The following TBXT variants were observed in gnomAD, a reference collection of about 807,000 sequenced individuals.
The protein encoded by TBXT is T brachyury transcription factor.
TBXT carries 19 observed loss-of-function variants against 41.1 expected under a neutral mutation model. That is an observed-to-expected ratio of 0.46 (90% CI 0.32 to 0.68). TBXT has a LOEUF of 0.68. Ranked by LOEUF, TBXT falls within the 30% of genes least tolerant of loss-of-function variation. TBXT has a pLI of 0.03. For synonymous variants in TBXT, 213 were observed against 238.9 expected (o/e 0.89, Z 1.00); for missense variants, 536 against 582.0 (o/e 0.92, Z 0.81).
At chr6:166,165,641 T>C in intron 3 of TBXT, 65 bp downstream of exon 3, 1 of 1,611,642 alleles carries the variant, frequency 6.2e-7, no homozygotes. Context: ...TCCTCCAGAA[T>C]CTCCACGGAG....
intron 1 of TBXT, 112 bp downstream of exon 1, chr6:166,167,274 C>G (rs1779147841): frequency 8.0e-7 from 1 of 1,253,950 alleles, no homozygotes; most frequent in East Asian, 2.5e-5. Flanking sequence ...GGAACAAACA[C>G]AAAGCCCTCC....
At chr6:166,166,959 G>A (rs934755861) in intron 1 of TBXT, 103 bp from the exon 2 acceptor site, 23 of 1,582,568 alleles carry the variant, frequency 1.5e-5, no homozygotes, top group Non-Finnish European at 1.7e-5. Context: ...GCACAGAGGA[G>A]CCCCCTGGGG....
In TBXT at chr6:166,158,544, G is replaced by A. The variant is rs769256401; in HGVS notation, c.1082C>T (p.Pro361Leu). 81 of 1,596,336 alleles carry A rather than the reference G, an allele frequency of 5.1e-5. No individual in the cohort carries two copies. The highest frequency in any genetic ancestry group is 6.0e-5 in the Non-Finnish European group (70 of 1,168,008). ...LWSVSNGAVT[P>L]GSQAAAVSNG... ...GGACACGGCTGCTGCCTGGGAGCCC[G>A]GGGTGACGGCGCCGTTGCTCACAGA... The change falls in exon 8 of 8, where the codon CCG becomes CTG. Residue 361 changes from proline to leucine, a missense_variant. Pro to Leu is a moderately conservative substitution (Grantham distance 98). Coordinates refer to ENST00000366876, the MANE Select transcript of TBXT (RefSeq NM_001366285.2).
At position 166,162,309 on chromosome 6, in the gene TBXT, A is replaced by G. The variant is rs1562387812; in HGVS notation, c.907+138T>C. On this transcript the variant is annotated intron_variant, in intron 6 of 7. Coordinates refer to ENST00000366876, the MANE Select transcript of TBXT (RefSeq NM_001366285.2). ...TAAATTGAAGATCTTCTCTTGAGCT[A>G]CTAAAAAACTGGGCTTGGGTATGTG... 6.9e-6 allele frequency: 6 copies of G among 870,144 alleles called. 1 individual carries two copies. The highest frequency in any genetic ancestry group is 4.5e-5 in the Admixed American group (2 of 44,504). 53.9% of individuals were successfully genotyped at this position (870,144 alleles called of 1,614,324 possible).
rs1562388930 is a variant in TBXT, at chr6:166,164,675, A to G, written c.669-9T>C. 1 of 1,613,016 alleles carries G rather than the reference A, an allele frequency of 6.2e-7. No individual in the cohort carries two copies. Among genetic ancestry groups the G allele is most frequent in the Admixed American group, 1.7e-5 (1 of 59,964 alleles). On this transcript the variant is annotated splice_polypyrimidine_tract_variant and intron_variant, in intron 4 of 7. Transcript: ENST00000366876. ...TCTCTTTGTGATCACTTCTATCAAA[A>G]TGAAAAAAAAAAAGTATATCGAATT...
intron 5 of TBXT, 110 bp downstream of exon 5, chr6:166,164,495 T>C: frequency 1.5e-6 from 2 of 1,328,882 alleles, no homozygotes; most frequent in East Asian, 2.3e-5. Flanking sequence ...CAATCTTACA[T>C]CCCAGGCACA....
At chr6:166,164,922 G>A (rs944145235) in intron 3 of TBXT, 61 bp from the exon 4 acceptor site, 4 of 1,432,834 alleles carry the variant, frequency 2.8e-6, no homozygotes, top group Non-Finnish European at 2.9e-6. Context: ...ATTTAATTTG[G>A]CACCAAGAAA....
chr6:166,164,175 T>C lies in TBXT; in HGVS notation c.730+430A>G, dbSNP rs554738230. On this transcript the variant is annotated intron_variant, in intron 5 of 7. Coordinates refer to ENST00000366876, the MANE Select transcript of TBXT (RefSeq NM_001366285.2). ...TCATCCTCAGAGCCACAGGAGCTGG[T>C]GAGACATTCCTAGAACCAAAGGGCT... 4.6e-5 allele frequency among the ~76,000 whole-genome samples: 7 copies of C among 152,326 alleles called. No individual in the cohort carries two copies. The East Asian group carries it at 1.2e-3, about 25-fold the overall frequency.
rs756318370 is a variant in TBXT at position 166,158,457 on chromosome 6, G to A, written c.1169C>T (p.Pro390Leu). 31 of 1,613,960 alleles carry A rather than the reference G, an allele frequency of 1.9e-5. No individual in the cohort carries two copies. Among genetic ancestry groups the A allele is most frequent in the South Asian group, 4.4e-5 (4 of 91,078 alleles). Residue 390 changes from proline to leucine, a missense_variant, in exon 8 of 8, where the codon CCG becomes CTG. Physicochemically the swap from Pro to Leu is moderately conservative, Grantham distance 98. Transcript: ENST00000366876. ...TCCCGAGGAAGAGGGCGCCGAGACC[G>A]GATGGGTGAGGGGTGTGTAGTGCGC... ...SPAHYTPLTHPVSAPSSSGSP... is the reference protein window; with the variant it reads ...SPAHYTPLTHLVSAPSSSGSP...
rs146476137 is a variant in TBXT at position 166,158,746 on chromosome 6, C to A, written c.1038-158G>T. On this transcript the variant is annotated intron_variant, in intron 7 of 7. Coordinates refer to ENST00000366876, the MANE Select transcript of TBXT (RefSeq NM_001366285.2). Reference sequence around the variant, plus strand: ...TTTCTCCAAATTATTAAAGGACTCACAAGCACATTCTGTGATGTATAGAAG... The same window carrying A: ...TTTCTCCAAATTATTAAAGGACTCAAAAGCACATTCTGTGATGTATAGAAG... Among the ~76,000 whole-genome samples the A allele has an allele frequency of 5.5e-3, 842 of 152,380 alleles. 8 individuals are homozygous for A. The highest frequency in any genetic ancestry group is 0.019 in the African/African-American group (791 of 41,594).
At chr6:166,163,152 C>T (rs940451320) in intron 5 of TBXT, among the ~76,000 whole-genome samples, 3 of 152,166 alleles carry the variant, frequency 2.0e-5, no homozygotes, top group Non-Finnish European at 2.9e-5. Flanking sequence ...AATGTAACCA[C>T]AGGCAGAGAG....
chr6:166,167,303 C>T (rs558208321), intron 1 of TBXT, 83 bp downstream of exon 1: 1,124 of 1,513,702 alleles, frequency 7.4e-4, no homozygotes, highest in Admixed American at 1.0e-3. Context: ...AAAAAGGGTT[C>T]GACCTCCGGG....
rs764888773 is a variant in TBXT at position 166,158,481 on chromosome 6, G to A, written c.1145C>T (p.Ala382Val). ...LGAQFFRGSP[A>V]HYTPLTHPVS... is the part of the protein sequence containing the mutation. ...CGGATGGGTGAGGGGTGTGTAGTGCGCGGGGGAGCCCCGGAAGAACTGGGC... is the reference window on the plus strand; with the variant it reads ...CGGATGGGTGAGGGGTGTGTAGTGCACGGGGGAGCCCCGGAAGAACTGGGC... Residue 382 changes from alanine (A) to valine (V), a missense_variant, in exon 8 of 8, where the codon GCG becomes GTG. Physicochemically the swap from Ala to Val is moderately conservative, Grantham distance 64. Coordinates refer to ENST00000366876, the MANE Select transcript of TBXT (RefSeq NM_001366285.2). 49 of 1,609,248 alleles carry A rather than the reference G, an allele frequency of 3.0e-5. No homozygotes were observed. Among genetic ancestry groups the A allele is most frequent in the Admixed American group, 2.0e-4 (12 of 59,718 alleles).
At chr6:166,165,934 T>A in intron 2 of TBXT, 94 bp from the exon 3 acceptor site, 1 of 1,583,482 alleles carries the variant, frequency 6.3e-7, no homozygotes, top group Non-Finnish European at 8.6e-7. Context: ...GTCCTCTGGA[T>A]CCCAAGAAAG....
chr6:166,164,116 G>T (rs566227205), intron 5 of TBXT, among the ~76,000 whole-genome samples: 28 of 152,302 alleles, frequency 1.8e-4, no homozygotes, highest in Admixed American at 1.4e-3. Flanking sequence ...ACTCCTGAAA[G>T]TCCTAGAGGG....
rs561738872 is a variant in TBXT at position 166,158,186 on chromosome 6, G to A, written c.*129C>T. Reference sequence around the variant, plus strand: ...GTGTGCTCCTCCACTGCTTTGAAAAGGAAGTTACTGAGGCTGCATTTCCTT... The same window carrying A: ...GTGTGCTCCTCCACTGCTTTGAAAAAGAAGTTACTGAGGCTGCATTTCCTT... On this transcript the variant is annotated 3_prime_UTR_variant, in exon 8 of 8. Coordinates refer to ENST00000366876, the MANE Select transcript of TBXT (RefSeq NM_001366285.2). The A allele has an allele frequency of 2.1e-6, 3 of 1,448,794 alleles. No individual in the cohort carries two copies. The highest frequency in any genetic ancestry group is 2.3e-5 in the East Asian group (1 of 44,050). The allele number at this position is 1,448,794 out of a possible 1,614,324, so 89.7% of individuals were successfully genotyped here. A position where few individuals can be genotyped will look rare whatever the true frequency, so the allele number is the denominator to read the frequency against.
rs1431678586 is a variant in TBXT, at chr6:166,164,758, T to A, written c.668+42A>T. 3 of 1,610,772 alleles carry A rather than the reference T, an allele frequency of 1.9e-6. No homozygotes were observed. In the African/African-American group the frequency reaches 4.0e-5, roughly 22 times the overall value. ...TGCAGCAATATTTCATCTTTCTGCATACTTCTTTGCCCAAGGGTATTTATA... is the reference window on the plus strand; with the variant it reads ...TGCAGCAATATTTCATCTTTCTGCAAACTTCTTTGCCCAAGGGTATTTATA... On this transcript the variant is annotated intron_variant, in intron 4 of 7. Transcript: ENST00000366876.
intron 5 of TBXT, 50 bp from the exon 6 acceptor site, chr6:166,162,673 T>A (rs2278678): frequency 0.26 from 356,081 of 1,365,882 alleles, 60,490 homozygotes; most frequent in South Asian, 0.33. Context: ...TCCCTCCATC[T>A]CTCCAGAGAG....
chr6:166,158,722 T>C lies in TBXT; in HGVS notation c.1038-134A>G, dbSNP rs1469768321. ...GTTTTCTTCTTTCAAACAGGTCATT[T>C]TCTCCAAATTATTAAAGGACTCACA... is the stretch of plus-strand genomic sequence containing the variant. On this transcript the variant is annotated intron_variant, in intron 7 of 7. Coordinates refer to ENST00000366876, the MANE Select transcript of TBXT (RefSeq NM_001366285.2). 2.2e-5 allele frequency: 24 copies of C among 1,084,296 alleles called. No homozygotes were observed. The East Asian group carries it at 6.1e-4, about 27-fold the overall frequency. 67.2% of individuals were successfully genotyped at this position (1,084,296 alleles called of 1,614,324 possible).
Sources: gnomAD v4.1 joint callset for allele counts (sites outside exome capture counted in the v4.1 genomes callset) on GRCh38, gnomAD v4.1.1 for gene constraint, MANE v1.5 for transcripts, NCBI Gene and HGNC (gene_info 2026-07-23, HGNC 2026-07-21) for gene names.